CD84: variants seen among roughly 807,000 people sequenced by gnomAD.
The protein encoded by CD84 is CD84 molecule, also known as SLAM family member 5.
Under a neutral mutation model 33.8 loss-of-function variants are expected in CD84, and 22 were observed. The ratio of observed to expected loss-of-function variants is 0.65; its 90% confidence interval spans 0.46 to 0.93. The LOEUF (loss-of-function observed/expected upper bound fraction) is 0.93. Ranked by LOEUF, CD84 falls within the 40% of genes least tolerant of loss-of-function variation. The probability of loss-of-function intolerance (pLI) is 0.00; values close to 1 mark genes in which losing one functional copy is unlikely to be tolerated. For missense variants in CD84, 400 were observed against 397.6 expected, an observed-to-expected ratio of 1.01 and a Z score of -0.05; for synonymous variants, 154 against 145.2, an observed-to-expected ratio of 1.06 and a Z score of -0.44.
Position 160,547,125 on chromosome 1 carries a change from C to G in CD84, c.*1131G>C, listed in dbSNP as rs1314605252. 2.5e-6 allele frequency: 1 copy of G among 398,854 alleles called. No homozygotes were observed. The highest frequency in any genetic ancestry group is 4.4e-6 in the Non-Finnish European group (1 of 226,048). 24.7% of individuals were successfully genotyped at this position (398,854 alleles called of 1,614,324 possible). On this transcript the variant is annotated 3_prime_UTR_variant, in exon 7 of 7. Transcript: ENST00000368054. ...ATGCCTGTGTAAGCTGGCTGGTGATCTGTTTGTGGGGCATGCCAGGGTGGC... is the reference window on the plus strand; with the variant it reads ...ATGCCTGTGTAAGCTGGCTGGTGATGTGTTTGTGGGGCATGCCAGGGTGGC...
chr1:160,561,792 G>A (rs1023233286), intron 2 of CD84, among the ~76,000 whole-genome samples: 1 of 152,092 alleles, frequency 6.6e-6, no homozygotes, highest in African/African-American at 2.4e-5. Context: ...ATTTTCTTAA[G>A]CTGTTAAACA....
Position 160,547,981 on chromosome 1 carries a change from A to G in CD84, c.*275T>C. ...GTGCCATAAAAATATTATTTTCTAC[A>G]TGTGCTATGATGGGAAGAAGTTTGG... is the stretch of plus-strand genomic sequence containing the variant. On this transcript the variant is annotated 3_prime_UTR_variant, in exon 7 of 7. Coordinates refer to ENST00000368054, the MANE Select transcript of CD84 (RefSeq NM_003874.4). The G allele has an allele frequency of 2.2e-6, 1 of 459,604 alleles. No individual in the cohort carries two copies. The highest frequency in any genetic ancestry group is 2.5e-5 in the South Asian group (1 of 40,688). 28.5% of individuals were successfully genotyped at this position (459,604 alleles called of 1,614,324 possible).
In CD84 at chr1:160,553,486, C is replaced by T; in HGVS notation, c.652G>A (p.Gly218Ser). ...ARQLCADIAM[G>S]FRTHHTGLLS... ...AACCCGGTGTGGTGAGTACGGAAGCCCATTGCGATGTCTGGAAATAGAAGA... is the reference window on the plus strand; with the variant it reads ...AACCCGGTGTGGTGAGTACGGAAGCTCATTGCGATGTCTGGAAATAGAAGA... Residue 218 changes from glycine (G) to serine (S), a missense_variant, in exon 4 of 7, where the codon GGC becomes AGC. Gly to Ser is a moderately conservative substitution (Grantham distance 56). Transcript: ENST00000368054. 1 of 1,613,966 alleles carries T rather than the reference C, an allele frequency of 6.2e-7. No homozygotes were observed. The highest frequency in any genetic ancestry group is 8.5e-7 in the Non-Finnish European group (1 of 1,179,990).
intron 1 of CD84, among the ~76,000 whole-genome samples, chr1:160,568,124 G>A (rs1657441391): frequency 6.6e-6 from 1 of 152,112 alleles, no homozygotes; most frequent in African/African-American, 2.4e-5. Flanking sequence ...TAGGTGTGAG[G>A]AGAGAGACAG....
intron 2 of CD84, among the ~76,000 whole-genome samples, chr1:160,555,441 T>C (rs1289285556): frequency 6.6e-6 from 1 of 152,204 alleles, no homozygotes; most frequent in African/African-American, 2.4e-5. Context: ...ATTTTCTTTA[T>C]TTTTTAAAAA....
intron 1 of CD84, among the ~76,000 whole-genome samples, chr1:160,576,753 T>C (rs921487838): frequency 1.1e-4 from 17 of 152,208 alleles, no homozygotes; most frequent in African/African-American, 3.9e-4. Flanking sequence ...CATCTGTATA[T>C]GTGCACATAA....
rs1460746648 is a variant in CD84 at position 160,553,955 on chromosome 1, T to C, written c.580A>G (p.Thr194Ala). Residue 194 changes from threonine to alanine, a missense_variant, in exon 3 of 7, where the codon ACA becomes GCA. Transcript: ENST00000368054. ...TTGTTGCTGACAGGGTTCTGGGCTG[T>C]ACACGTGTAAGTCAGCTCTTGGTCC... ...PEDQELTYTC[T>A]AQNPVSNNSD... The C allele has an allele frequency of 6.2e-7, 1 of 1,614,104 alleles. No individual in the cohort carries two copies. Among genetic ancestry groups the C allele is most frequent in the East Asian group, 2.2e-5 (1 of 44,890 alleles).
Position 160,552,819 on chromosome 1 carries a change from A to G in CD84, c.760+559T>C, listed in dbSNP as rs1230364842. 20 of 1,053,480 alleles carry G rather than the reference A, an allele frequency of 1.9e-5. No homozygotes were observed. The Admixed American group carries it at 3.8e-4, about 20-fold the overall frequency. 65.3% of individuals were successfully genotyped at this position (1,053,480 alleles called of 1,614,324 possible). A position where few individuals can be genotyped will look rare whatever the true frequency, so the allele number is the denominator to read the frequency against. On this transcript the variant is annotated intron_variant, in intron 4 of 6. Coordinates refer to ENST00000368054, the MANE Select transcript of CD84 (RefSeq NM_003874.4). ...TTTATTGTGATTGGTGGGAAAAGGA[A>G]GTTCTTGGGTGGACATGGGATGTGG...
intron 4 of CD84, among the ~76,000 whole-genome samples, chr1:160,551,716 TG>T (rs1656240163): frequency 2.0e-5 from 3 of 152,140 alleles, no homozygotes; most frequent in Non-Finnish European, 4.4e-5. Context: ...GCAAATTTTT[TG>T]TATTTTTGGT....
chr1:160,559,201 T>A (rs1656791108), intron 2 of CD84, among the ~76,000 whole-genome samples: 1 of 151,852 alleles, frequency 6.6e-6, no homozygotes, highest in African/African-American at 2.4e-5. Flanking sequence ...AAGGTCGAAA[T>A]GAAAGTAAAA....
At chr1:160,564,652 C>G (rs1379463079) in intron 2 of CD84, among the ~76,000 whole-genome samples, 1 of 152,150 alleles carries the variant, frequency 6.6e-6, no homozygotes, top group Non-Finnish European at 1.5e-5. Flanking sequence ...GTGAAAAATA[C>G]CCAACCTCAA....
At chr1:160,569,538 A>G (rs551925442) in intron 1 of CD84, among the ~76,000 whole-genome samples, 3,039 of 88,248 alleles carry the variant, frequency 0.034, 45 homozygotes, top group Middle Eastern at 0.076. Flanking sequence ...ACACACACAC[A>G]CACGCACGCA....
intron 4 of CD84, chr1:160,553,042 A>G (rs540488553): frequency 1.8e-6 from 1 of 561,926 alleles, no homozygotes; most frequent in South Asian, 2.1e-5. Context: ...GACCCTGGAG[A>G]TCCTCTAGTC....
intron 1 of CD84, among the ~76,000 whole-genome samples, chr1:160,578,680 A>G (rs1416124386): frequency 6.6e-6 from 1 of 152,182 alleles, no homozygotes; most frequent in Non-Finnish European, 1.5e-5. Flanking sequence ...TCCCAGATCT[A>G]TGTTAATGTT....
intron 2 of CD84, among the ~76,000 whole-genome samples, chr1:160,557,579 G>T (rs1410760255): frequency 6.6e-6 from 1 of 152,164 alleles, no homozygotes; most frequent in Non-Finnish European, 1.5e-5. Flanking sequence ...AATGGCCAAG[G>T]TGTTCTCTAT....
intron 2 of CD84, among the ~76,000 whole-genome samples, chr1:160,563,873 T>A (rs922757645): frequency 2.0e-5 from 3 of 152,202 alleles, no homozygotes; most frequent in Admixed American, 2.0e-4. Context: ...ACATTTCAGA[T>A]GCTCAAGAGC....
intron 3 of CD84, 86 bp from the exon 4 acceptor site, chr1:160,553,583 T>G (rs1169194281): frequency 2.3e-5 from 35 of 1,509,280 alleles, no homozygotes; most frequent in South Asian, 9.1e-5. Context: ...AGGGGCATTA[T>G]GAAAATTGGG....
chr1:160,556,239 G>A (rs926006866), intron 2 of CD84, among the ~76,000 whole-genome samples: 1 of 152,150 alleles, frequency 6.6e-6, no homozygotes, highest in East Asian at 1.9e-4. Flanking sequence ...TCAGAGTCAT[G>A]GCCGACAGAT....
At chr1:160,563,874 G>T (rs1402342316) in intron 2 of CD84, among the ~76,000 whole-genome samples, 1 of 152,128 alleles carries the variant, frequency 6.6e-6, no homozygotes, top group Non-Finnish European at 1.5e-5. Flanking sequence ...CATTTCAGAT[G>T]CTCAAGAGCT....
Sources: gnomAD v4.1 joint callset for allele counts (sites outside exome capture counted in the v4.1 genomes callset) on GRCh38, gnomAD v4.1.1 for gene constraint, MANE v1.5 for transcripts, NCBI Gene and HGNC (gene_info 2026-07-23, HGNC 2026-07-21) for gene names.